The following GAREM1 variants were observed in gnomAD, a reference collection of about 807,000 sequenced individuals.
GAREM1 encodes GRB2 associated regulator of MAPK1 subtype 1, also known as GRB2-associated and regulator of MAPK protein 1.
Under a neutral mutation model 71.3 loss-of-function variants are expected in GAREM1, and 26 were observed. The ratio of observed to expected loss-of-function variants is 0.36; its 90% confidence interval spans 0.27 to 0.51. GAREM1 has a LOEUF of 0.51. Ranked by LOEUF, GAREM1 falls within the 20% of genes least tolerant of loss-of-function variation. The pLI, the probability that GAREM1 is intolerant of heterozygous loss-of-function variation, is 0.95. For missense variants in GAREM1, 1,026 were observed against 1,103.1 expected, an observed-to-expected ratio of 0.93 and a Z score of 0.99; for synonymous variants, 440 against 433.2, an observed-to-expected ratio of 1.02 and a Z score of -0.20.
chr18:32,342,925 A>C (rs1455329807), intron 2 of GAREM1, among the ~76,000 whole-genome samples: 1 of 152,152 alleles, frequency 6.6e-6, no homozygotes, highest in African/African-American at 2.4e-5. Context: ...TGTACTAAAC[A>C]ATTTGGCAGA....
At chr18:32,329,951 T>A (rs1052950812) in intron 2 of GAREM1, among the ~76,000 whole-genome samples, 3 of 152,134 alleles carry the variant, frequency 2.0e-5, no homozygotes, top group African/African-American at 7.2e-5. Flanking sequence ...TGTGGCAGCA[T>A]CATTTTTGCT....
intron 4 of GAREM1, among the ~76,000 whole-genome samples, chr18:32,284,224 T>C (rs1307092755): frequency 2.6e-5 from 4 of 152,188 alleles, no homozygotes; most frequent in Non-Finnish European, 2.9e-5. Context: ...TTGAAATGCC[T>C]AATTTTTTTA....
chr18:32,387,903 T>C (rs1300672674), intron 2 of GAREM1, among the ~76,000 whole-genome samples: 3 of 152,232 alleles, frequency 2.0e-5, no homozygotes, highest in African/African-American at 7.2e-5. Context: ...TTCCAAAATA[T>C]GCATGAATGG....
At chr18:32,434,508 C>A (rs1301778660) in intron 1 of GAREM1, among the ~76,000 whole-genome samples, 1 of 151,816 alleles carries the variant, frequency 6.6e-6, no homozygotes, top group Non-Finnish European at 1.5e-5. Flanking sequence ...TGGGGGCACA[C>A]TGAAGGACAC....
intron 2 of GAREM1, among the ~76,000 whole-genome samples, chr18:32,314,392 G>T (rs1328114284): frequency 1.3e-5 from 2 of 152,102 alleles, no homozygotes; most frequent in Non-Finnish European, 2.9e-5. Flanking sequence ...TTCAAGTTTT[G>T]TGGTGCTGGC....
At chr18:32,296,938 C>T (rs1019204750) in intron 3 of GAREM1, among the ~76,000 whole-genome samples, 1 of 152,108 alleles carries the variant, frequency 6.6e-6, no homozygotes, top group African/African-American at 2.4e-5. Flanking sequence ...TTACTTTCAA[C>T]CAGCATCTAG....
chr18:32,470,705 G>C lies in GAREM1; in HGVS notation c.-277C>G, dbSNP rs1418184626. On this transcript the variant is annotated 5_prime_UTR_variant, in exon 1 of 6. Transcript: ENST00000269209. This position sits in a 1 kb window ranked among gnomAD's most constrained non-coding sequence, Gnocchi z 4.4. Reference sequence around the variant, plus strand: ...CAGCCGCGCGGCTGCGGGCGGCGGCGGCGGCCCGGGTGGCTGCGGCGGCTC... The same window carrying C: ...CAGCCGCGCGGCTGCGGGCGGCGGCCGCGGCCCGGGTGGCTGCGGCGGCTC... 6.7e-6 allele frequency among the ~76,000 whole-genome samples: 1 copy of C among 149,506 alleles called. No homozygotes were observed. The highest frequency in any genetic ancestry group is 1.5e-5 in the Non-Finnish European group (1 of 67,012).
At chr18:32,291,144 A>G (rs1428887917) in intron 3 of GAREM1, among the ~76,000 whole-genome samples, 1 of 152,170 alleles carries the variant, frequency 6.6e-6, no homozygotes, top group African/African-American at 2.4e-5. Context: ...TCCTGGTACT[A>G]TGCAAAAGAC....
At chr18:32,446,990 G>C (rs2048791339) in intron 1 of GAREM1, among the ~76,000 whole-genome samples, 1 of 152,160 alleles carries the variant, frequency 6.6e-6, no homozygotes, top group Non-Finnish European at 1.5e-5. Context: ...ATCCCAGCAG[G>C]CTCAACTGCC....
In GAREM1 at chr18:32,267,331, T is replaced by TA. The variant is rs1385050585; in HGVS notation, c.*539dup. The TA allele has an allele frequency of 2.0e-5, 3 of 152,208 alleles. No homozygotes were observed. Among genetic ancestry groups the TA allele is most frequent in the Non-Finnish European group, 4.4e-5 (3 of 68,068 alleles). 9.4% of individuals were successfully genotyped at this position (152,208 alleles called of 1,614,324 possible). On this transcript the variant is annotated 3_prime_UTR_variant, in exon 6 of 6. Coordinates refer to ENST00000269209, the MANE Select transcript of GAREM1 (RefSeq NM_001242409.2). Reference sequence around the variant, plus strand: ...ATGACTCTTGGAAAATGCCTTGTGATAAAAAGATCCCCACCAAGCATACAA... The same window carrying TA: ...ATGACTCTTGGAAAATGCCTTGTGATAAAAAAGATCCCCACCAAGCATACAA...
intron 3 of GAREM1, among the ~76,000 whole-genome samples, chr18:32,302,849 T>C (rs1015582770): frequency 6.6e-6 from 1 of 152,142 alleles, no homozygotes; most frequent in African/African-American, 2.4e-5. Flanking sequence ...TTTATCAATA[T>C]CCAAAGAAAA....
chr18:32,273,026 A>G (rs1248061253), intron 4 of GAREM1, among the ~76,000 whole-genome samples: 1 of 152,204 alleles, frequency 6.6e-6, no homozygotes, highest in Non-Finnish European at 1.5e-5. Context: ...GGGAATATCT[A>G]TAGAATTTAG....
intron 2 of GAREM1, among the ~76,000 whole-genome samples, chr18:32,364,037 T>TTTTTTTTTTTTTTTG (rs1200601301): frequency 1.0e-5 from 1 of 96,786 alleles, no homozygotes; most frequent in African/African-American, 4.0e-5. Context: ...TGTTTTTTTT[T>TTTTTTTTTTTTTTTG]TTTTTTTTTT....
intron 4 of GAREM1, among the ~76,000 whole-genome samples, chr18:32,275,471 T>C (rs910548013): frequency 3.3e-5 from 5 of 152,104 alleles, no homozygotes; most frequent in African/African-American, 1.2e-4. Context: ...TCTGCCTATG[T>C]GTAGTTAATT....
Position 32,334,232 on chromosome 18 carries a change from C to G in GAREM1, c.263-23909G>C, listed in dbSNP as rs188558213. Among the ~76,000 whole-genome samples the G allele has an allele frequency of 5.1e-4, 77 of 152,116 alleles. 2 individuals carry two copies. Among genetic ancestry groups the G allele is most frequent in the Admixed American group, 2.4e-3 (36 of 15,276 alleles). Reference sequence around the variant, plus strand: ...CTTTATAGAAGACTTAATCACACCCCGAGGGGGGCACATTTTCCAGGCAGT... The same window carrying G: ...CTTTATAGAAGACTTAATCACACCCGGAGGGGGGCACATTTTCCAGGCAGT... On this transcript the variant is annotated intron_variant, in intron 2 of 5. Coordinates refer to ENST00000269209, the MANE Select transcript of GAREM1 (RefSeq NM_001242409.2).
intron 2 of GAREM1, among the ~76,000 whole-genome samples, chr18:32,322,304 G>A (rs1015104297): frequency 6.6e-6 from 1 of 152,136 alleles, no homozygotes; most frequent in African/African-American, 2.4e-5. Flanking sequence ...GTGGCACATA[G>A]GAGATGTGTA....
intron 1 of GAREM1, among the ~76,000 whole-genome samples, chr18:32,436,673 A>G (rs1426768171): frequency 6.6e-6 from 1 of 152,172 alleles, no homozygotes; most frequent in Non-Finnish European, 1.5e-5. Flanking sequence ...TTTCCCTTGA[A>G]TTTTATTTTT....
At chr18:32,405,897 T>C (rs1203526652) in intron 1 of GAREM1, among the ~76,000 whole-genome samples, 3 of 152,232 alleles carry the variant, frequency 2.0e-5, no homozygotes, top group African/African-American at 7.2e-5. Flanking sequence ...ACCATTCTAC[T>C]GTGATACTAT....
intron 5 of GAREM1, 52 bp downstream of exon 5, chr18:32,270,165 A>T (rs564691464): frequency 6.3e-7 from 1 of 1,584,234 alleles, no homozygotes; most frequent in East Asian, 2.2e-5. Flanking sequence ...AGAACCCATG[A>T]ACTGGTGGAT....
Sources: gnomAD v4.1 joint callset for allele counts (sites outside exome capture counted in the v4.1 genomes callset) on GRCh38, gnomAD v4.1.1 for gene constraint, Gnocchi (gnomAD v3.1) non-coding constraint, MANE v1.5 for transcripts, NCBI Gene and HGNC (gene_info 2026-07-23, HGNC 2026-07-21) for gene names.